RASSF5: variants seen among roughly 807,000 people sequenced by gnomAD.
RASSF5 encodes ras association domain-containing protein 5.
RASSF5 carries 25 observed loss-of-function variants against 40.5 expected under a neutral mutation model. That is an observed-to-expected ratio of 0.62 (90% confidence interval 0.45 to 0.86). The LOEUF is 0.86. Ranked by LOEUF, RASSF5 falls within the 40% of genes least tolerant of loss-of-function variation. RASSF5 has a pLI of 0.00. For synonymous variants in RASSF5, 246 were observed against 252.4 expected (o/e 0.97, Z 0.24); for missense variants, 521 against 572.8 (o/e 0.91, Z 0.92).
chr1:206,538,836 AG>A (rs1225913226), intron 2 of RASSF5, among the ~76,000 whole-genome samples: 3 of 152,186 alleles, frequency 2.0e-5, no homozygotes, highest in Non-Finnish European at 4.4e-5. Flanking sequence ...GAGACAGAGG[AG>A]TGTGTTTATT....
At chr1:206,581,576 G>A (rs1383474313) in intron 2 of RASSF5, among the ~76,000 whole-genome samples, 2 of 151,924 alleles carry the variant, frequency 1.3e-5, no homozygotes, top group Non-Finnish European at 2.9e-5. Flanking sequence ...TCCAGCCTGG[G>A]TGACAGAGGG....
chr1:206,566,027 A>G (rs1039992561), intron 2 of RASSF5, among the ~76,000 whole-genome samples: 1 of 152,202 alleles, frequency 6.6e-6, no homozygotes, highest in East Asian at 1.9e-4. Context: ...GACTAAGTTA[A>G]TTTACCATCC....
At chr1:206,509,856 A>T (rs1666570741) in intron 1 of RASSF5, among the ~76,000 whole-genome samples, 1 of 152,114 alleles carries the variant, frequency 6.6e-6, no homozygotes, top group South Asian at 2.1e-4. Flanking sequence ...TGATTAAGTC[A>T]TACGTCGTTT....
intron 2 of RASSF5, chr1:206,544,495 A>G (rs1355136949): frequency 6.6e-6 from 1 of 152,218 alleles, no homozygotes; most frequent in African/African-American, 2.4e-5. Context: ...TGTCCTGGAT[A>G]TAAAACCAGG....
chr1:206,533,940 AG>A (rs1667314874), intron 1 of RASSF5, among the ~76,000 whole-genome samples: 1 of 152,194 alleles, frequency 6.6e-6, no homozygotes, highest in Non-Finnish European at 1.5e-5. Context: ...CGATGGACAC[AG>A]AGGCTGGAGT....
intron 2 of RASSF5, among the ~76,000 whole-genome samples, chr1:206,573,135 C>A (rs1553404533): frequency 6.6e-6 from 1 of 152,234 alleles, no homozygotes; most frequent in Non-Finnish European, 1.5e-5. Context: ...GATCTCATTT[C>A]ATCTTCACAA....
At chr1:206,536,231 A>G (rs1194461760) in intron 1 of RASSF5, among the ~76,000 whole-genome samples, 1 of 152,220 alleles carries the variant, frequency 6.6e-6, no homozygotes, top group Non-Finnish European at 1.5e-5. Flanking sequence ...AGATGGGTGC[A>G]TGCCCCAGGG....
chr1:206,588,103 G>C lies in RASSF5; in HGVS notation c.*1125G>C, dbSNP rs1669197159. The C allele has an allele frequency of 6.5e-6, 1 of 152,786 alleles. No individual in the cohort carries two copies. Among genetic ancestry groups the C allele is most frequent in the Non-Finnish European group, 1.5e-5 (1 of 68,056 alleles). The allele number at this position is 152,786 out of a possible 1,614,324, so 9.5% of individuals were successfully genotyped here. ...CGGCACTGCGCTCGGAGAGCCGGTG[G>C]GCCTGGCCTCCCCGTCGACCTCAGT... On this transcript the variant is annotated 3_prime_UTR_variant, in exon 6 of 6. Coordinates refer to ENST00000579436, the MANE Select transcript of RASSF5 (RefSeq NM_182663.4).
At chr1:206,572,916 A>G (rs782091648) in intron 2 of RASSF5, among the ~76,000 whole-genome samples, 5 of 152,186 alleles carry the variant, frequency 3.3e-5, no homozygotes, top group South Asian at 2.1e-4. Flanking sequence ...ATCGGGAATC[A>G]AGGTCCCATA....
chr1:206,567,417 G>C (rs1303342399), intron 2 of RASSF5, among the ~76,000 whole-genome samples: 3 of 152,124 alleles, frequency 2.0e-5, no homozygotes, highest in African/African-American at 7.2e-5. Context: ...ATTTAATATT[G>C]AGTGGGTGAA....
intron 2 of RASSF5, among the ~76,000 whole-genome samples, chr1:206,564,339 C>T (rs189077761): frequency 3.3e-5 from 5 of 152,012 alleles, no homozygotes; most frequent in African/African-American, 9.7e-5. Flanking sequence ...GGCCATCCCT[C>T]ACTCTCTGTT....
chr1:206,553,255 G>C (rs114818636), intron 2 of RASSF5, among the ~76,000 whole-genome samples: 2 of 152,158 alleles, frequency 1.3e-5, no homozygotes, highest in East Asian at 3.9e-4. Context: ...GTGAAAGAAA[G>C]AATAAGCAAG....
At chr1:206,551,374 G>A (rs1188304192) in intron 2 of RASSF5, among the ~76,000 whole-genome samples, 2 of 152,162 alleles carry the variant, frequency 1.3e-5, no homozygotes, top group Admixed American at 6.5e-5. Flanking sequence ...CTCCCTCCAC[G>A]TTACCCTGAG....
intron 2 of RASSF5, among the ~76,000 whole-genome samples, chr1:206,541,287 T>C (rs1453541053): frequency 6.6e-6 from 1 of 152,210 alleles, no homozygotes; most frequent in African/African-American, 2.4e-5. Flanking sequence ...TTCCTGAACA[T>C]TCATACATTT....
rs1291873744 is a variant in RASSF5, at chr1:206,552,692, G to A, written c.579+14399G>A. Among the ~76,000 whole-genome samples the A allele has an allele frequency of 2.0e-5, 3 of 152,182 alleles. No homozygotes were observed. Among genetic ancestry groups the A allele is most frequent in the African/African-American group, 2.4e-5 (1 of 41,430 alleles). On this transcript the variant is annotated intron_variant, in intron 2 of 5. Transcript: ENST00000579436. This position sits in a 1 kb window ranked among gnomAD's most constrained non-coding sequence, Gnocchi z 4.1. ...GATTCTACCATTTACTTGCTTGGGC[G>A]AGTTTACTCTGAAACTCAGTTCATT... is the stretch of plus-strand genomic sequence containing the variant.
At chr1:206,572,374 G>A (rs1668480719) in intron 2 of RASSF5, among the ~76,000 whole-genome samples, 1 of 152,158 alleles carries the variant, frequency 6.6e-6, no homozygotes, top group Non-Finnish European at 1.5e-5. Context: ...AGTGGCTGTG[G>A]ATATCAGAAA....
intron 2 of RASSF5, chr1:206,557,490 G>A (rs1668022433): frequency 6.3e-7 from 1 of 1,589,212 alleles, no homozygotes; most frequent in Admixed American, 1.7e-5. Context: ...CGGAGCCCGG[G>A]GAGGGGTGCC....
At chr1:206,524,131 T>C (rs1239871383) in intron 1 of RASSF5, among the ~76,000 whole-genome samples, 1 of 134,320 alleles carries the variant, frequency 7.4e-6, no homozygotes, top group Non-Finnish European at 1.5e-5. Context: ...ATAGATACCA[T>C]ATGTAATATA....
intron 2 of RASSF5, among the ~76,000 whole-genome samples, chr1:206,538,510 A>G (rs1327814198): frequency 6.6e-6 from 1 of 152,224 alleles, no homozygotes; most frequent in Non-Finnish European, 1.5e-5. Context: ...AGTTCTCCCC[A>G]AGTACAGAGC....
Sources: allele counts gnomAD v4.1 joint callset (sites outside exome capture counted in the v4.1 genomes callset), GRCh38; gene constraint gnomAD v4.1.1; non-coding constraint Gnocchi (gnomAD v3.1); transcripts MANE v1.5; gene names NCBI Gene and HGNC (gene_info 2026-07-23, HGNC 2026-07-21).